WHR1: variants seen among roughly 807,000 people sequenced by gnomAD.
WHR1 encodes winged helix repair factor 1, also known as MHC class III HLA-RP1.
At chr6:31,972,775 G>A in the WHR1 span, 3 of 1,608,276 alleles carry the variant, frequency 1.9e-6, no homozygotes, top group Non-Finnish European at 2.5e-6. The surrounding 1 kb of genome is among the most constrained non-coding windows in gnomAD (Gnocchi z 6.3). Context: ...GCGTCGGTGC[G>A]ACCGCCGGAA....
the WHR1 span, among the ~76,000 whole-genome samples, chr6:31,977,060 CT>C: frequency 1.3e-5 from 2 of 152,304 alleles, no homozygotes; most frequent in Non-Finnish European, 1.5e-5. Flanking sequence ...TATTACTTGT[CT>C]TTTGGGGTTT....
the WHR1 span, among the ~76,000 whole-genome samples, chr6:31,976,030 G>T: frequency 6.9e-6 from 1 of 144,328 alleles, no homozygotes; most frequent in South Asian, 2.2e-4. Flanking sequence ...CTGGCCGGGC[G>T]GGGGGGGCTG....
the WHR1 span, among the ~76,000 whole-genome samples, chr6:31,976,870 C>T: frequency 1.9e-4 from 29 of 152,364 alleles, no homozygotes; most frequent in Non-Finnish European, 3.1e-4. Flanking sequence ...AGCGAAACCC[C>T]GTCTCCACTA....
At chr6:31,975,231 T>C in the WHR1 span, among the ~76,000 whole-genome samples, 430 of 147,826 alleles carry the variant, frequency 2.9e-3, 10 homozygotes, top group East Asian at 0.053. Flanking sequence ...AGGTGGAGTG[T>C]CGCTCTGTTG....
At chr6:31,974,461 TACTCCCACCACTTTGGGAG>T in the WHR1 span, among the ~76,000 whole-genome samples, 1 of 152,184 alleles carries the variant, frequency 6.6e-6, no homozygotes, top group South Asian at 2.1e-4. Flanking sequence ...CTCATGCCTG[TACTCCCACCACTTTGGGAG>T]ACTGAGGCAG....
the WHR1 span, chr6:31,972,204 G>A: frequency 6.2e-7 from 1 of 1,612,444 alleles, no homozygotes; most frequent in African/African-American, 1.3e-5. The surrounding 1 kb of genome is among the most constrained non-coding windows in gnomAD (Gnocchi z 6.3). Flanking sequence ...CCGGCCTGGC[G>A]GAGGTGATGC....
At chr6:31,978,281 C>T in the WHR1 span, among the ~76,000 whole-genome samples, 5 of 151,898 alleles carry the variant, frequency 3.3e-5, no homozygotes, top group East Asian at 9.7e-4. Flanking sequence ...TGTCTGCCCC[C>T]ACGCCTGGCT....
At chr6:31,973,385 A>G in the WHR1 span, 1 of 198,374 alleles carries the variant, frequency 5.0e-6, no homozygotes, top group Non-Finnish European at 1.1e-5. Context: ...AAGGTATTAG[A>G]CAGTTGGATA....
the WHR1 span, chr6:31,980,929 C>T: frequency 5.1e-6 from 4 of 782,468 alleles, no homozygotes; most frequent in African/African-American, 6.6e-5. Context: ...CGGGAGCACC[C>T]CTTCCCAAGT....
chr6:31,972,613 C>T, the WHR1 span: 8 of 1,602,192 alleles, frequency 5.0e-6, no homozygotes, highest in African/African-American at 1.1e-4. The surrounding 1 kb of genome is among the most constrained non-coding windows in gnomAD (Gnocchi z 6.3). Context: ...GCCGATTTAT[C>T]TGCCCAGGGT....
At chr6:31,975,201 C>CTTT in the WHR1 span, among the ~76,000 whole-genome samples, 2 of 136,926 alleles carry the variant, frequency 1.5e-5, no homozygotes, top group Admixed American at 7.4e-5. Flanking sequence ...TTAGTTTTCC[C>CTTT]TTTTTTTTTT....
At chr6:31,975,902 C>T in the WHR1 span, among the ~76,000 whole-genome samples, 38 of 144,426 alleles carry the variant, frequency 2.6e-4, no homozygotes, top group East Asian at 1.3e-3. Context: ...GCTGGCCGGG[C>T]GGGGGGCTGA....
the WHR1 span, chr6:31,972,867 G>A: frequency 6.5e-7 from 1 of 1,549,164 alleles, no homozygotes; most frequent in East Asian, 2.3e-5. The surrounding 1 kb of genome is among the most constrained non-coding windows in gnomAD (Gnocchi z 6.3). Context: ...TTCAGGCGAG[G>A]GCACTGTGCC....
chr6:31,976,926 CGCAGGCACTCG>C, the WHR1 span, among the ~76,000 whole-genome samples: 1 of 152,224 alleles, frequency 6.6e-6, no homozygotes, highest in African/African-American at 2.4e-5. Flanking sequence ...CGCCTGCAAT[CGCAGGCACTCG>C]GCAGGCTGAG....
the WHR1 span, chr6:31,979,120 G>A: frequency 1.0e-6 from 1 of 957,982 alleles, no homozygotes; most frequent in African/African-American, 1.6e-5. Context: ...CCCATGGAGA[G>A]GGCACAGGGC....
chr6:31,980,330 T>C, the WHR1 span: 2 of 892,026 alleles, frequency 2.2e-6, no homozygotes, highest in Admixed American at 2.9e-5. Flanking sequence ...GATTTTGTTA[T>C]CCAGTCTCTC....
At chr6:31,971,766 G>A in the WHR1 span, 2 of 1,404,134 alleles carry the variant, frequency 1.4e-6, no homozygotes, top group Non-Finnish European at 1.9e-6. The surrounding 1 kb of genome is among the most constrained non-coding windows in gnomAD (Gnocchi z 4.5). Context: ...CGAGCCACCT[G>A]ATCGCCAGGC....
the WHR1 span, among the ~76,000 whole-genome samples, chr6:31,975,775 G>A: frequency 1.4e-4 from 21 of 151,998 alleles, no homozygotes; most frequent in African/African-American, 4.3e-4. Flanking sequence ...ATCGTGGCCC[G>A]TTCTCAATGA....
chr6:31,979,029 G>A, the WHR1 span: 1 of 1,607,526 alleles, frequency 6.2e-7, no homozygotes, highest in Non-Finnish European at 8.5e-7. Flanking sequence ...GGGGTGCTGG[G>A]GGGAGGGCAC....
Sources: allele counts gnomAD v4.1 joint callset (sites outside exome capture counted in the v4.1 genomes callset), GRCh38; gene constraint gnomAD v4.1.1; non-coding constraint Gnocchi (gnomAD v3.1); transcripts MANE v1.5; gene names NCBI Gene and HGNC (gene_info 2026-07-23, HGNC 2026-07-21).